The following CSMD1 variants were observed in gnomAD, a reference collection of about 807,000 sequenced individuals.
CSMD1 encodes the protein CUB and sushi domain-containing protein 1.
In CSMD1, 213 loss-of-function variants were observed where a neutral mutation model predicts 417.5. The observed-to-expected ratio is 0.51, with a 90% confidence interval of 0.46 to 0.57. The LOEUF is 0.57. Among genes scored for constraint, CSMD1 ranks in the 20% least tolerant of loss-of-function variants. The pLI is 0.00. For missense variants in CSMD1, 6,923 were observed against 4,529.7 expected (o/e 1.53, Z -15.17); for synonymous variants, 2,862 against 1,736.8 (o/e 1.65, Z -16.11).
At chr8:4,448,583 T>C (rs1392748566) in intron 2 of CSMD1, among the ~76,000 whole-genome samples, 1 of 152,226 alleles carries the variant, frequency 6.6e-6, no homozygotes, top group Non-Finnish European at 1.5e-5. Flanking sequence ...TCCTGTATTG[T>C]GCAATTTTAA....
At chr8:4,471,594 G>A (rs374236827) in intron 2 of CSMD1, among the ~76,000 whole-genome samples, 5 of 152,148 alleles carry the variant, frequency 3.3e-5, no homozygotes, top group South Asian at 2.1e-4. Context: ...GAGGTGCAGG[G>A]AGAAAACAAC....
rs190072432 is a variant in CSMD1, at chr8:4,771,487, G to A, written c.86-133929C>T. ...CCGTGCGAAGCTCAGTCGTGAGAAT[G>A]CGCAGTTATGCTGCATTACTGATTC... is the stretch of plus-strand genomic sequence containing the variant. On this transcript the variant is annotated intron_variant, in intron 1 of 69. Coordinates refer to ENST00000635120, the MANE Select transcript of CSMD1 (RefSeq NM_033225.6). Among the ~76,000 whole-genome samples the A allele has an allele frequency of 4.0e-3, 615 of 152,306 alleles. 7 individuals are homozygous for A. Among genetic ancestry groups the A allele is most frequent in the Middle Eastern group, 0.017 (5 of 294 alleles).
intron 5 of CSMD1, among the ~76,000 whole-genome samples, chr8:3,766,656 T>C (rs1278833622): frequency 6.6e-6 from 1 of 152,090 alleles, no homozygotes; most frequent in African/African-American, 2.4e-5. Flanking sequence ...CAAAGACTGA[T>C]AATAAAGAAA....
chr8:3,029,566 G>T, intron 50 of CSMD1, 53 bp from the exon 51 acceptor site: 1 of 1,480,548 alleles, frequency 6.8e-7, no homozygotes, highest in South Asian at 1.3e-5. Flanking sequence ...GAAAACATCA[G>T]ACCGTGCTTG....
intron 3 of CSMD1, among the ~76,000 whole-genome samples, chr8:4,116,083 C>A (rs1802128513): frequency 1.3e-5 from 2 of 152,022 alleles, no homozygotes; most frequent in African/African-American, 4.8e-5. Context: ...ACTGCAACCT[C>A]CGCCTCCTGG....
intron 5 of CSMD1, among the ~76,000 whole-genome samples, chr8:3,787,072 G>C (rs1799492861): frequency 6.6e-6 from 1 of 152,134 alleles, no homozygotes; most frequent in Non-Finnish European, 1.5e-5. Flanking sequence ...AGTTTAGAGT[G>C]TGTTTACAGA....
rs529696059 is a variant in CSMD1 at position 4,220,844 on chromosome 8, G to T, written c.416-188745C>A. On this transcript the variant is annotated intron_variant, in intron 3 of 69. Transcript: ENST00000635120. ...CCATGGGGCTGAGTGAGAACTACAA[G>T]AGGAAAAGTAGCTTGGGGTAACAAG... 1.5e-3 allele frequency among the ~76,000 whole-genome samples: 228 copies of T among 152,326 alleles called. 1 individual carries two copies. The highest frequency in any genetic ancestry group is 5.2e-3 in the African/African-American group (215 of 41,566).
At chr8:3,152,130 C>A (rs1025957845) in intron 39 of CSMD1, among the ~76,000 whole-genome samples, 1 of 152,222 alleles carries the variant, frequency 6.6e-6, no homozygotes. Flanking sequence ...CGGAAGGCAG[C>A]TAACTGCAAC....
At chr8:4,459,812 G>C (rs147082514) in intron 2 of CSMD1, among the ~76,000 whole-genome samples, 11 of 152,296 alleles carry the variant, frequency 7.2e-5, no homozygotes, top group East Asian at 5.8e-4. Context: ...CATACAATTT[G>C]TGGTACTTTG....
At chr8:4,017,099 G>A (rs957778266) in intron 4 of CSMD1, among the ~76,000 whole-genome samples, 1 of 152,198 alleles carries the variant, frequency 6.6e-6, no homozygotes, top group African/African-American at 2.4e-5. Flanking sequence ...TGACCGCGGT[G>A]TTCAGCCAGC....
rs573423179 is a variant in CSMD1, at chr8:4,960,205, G to C, written c.85+34127C>G. On this transcript the variant is annotated intron_variant, in intron 1 of 69. Coordinates refer to ENST00000635120, the MANE Select transcript of CSMD1 (RefSeq NM_033225.6). Reference sequence around the variant, plus strand: ...AAAGATCACTGTCTCAGGAAATCTTGATCTAGGACACTCAGAAGATGAAAT... The same window carrying C: ...AAAGATCACTGTCTCAGGAAATCTTCATCTAGGACACTCAGAAGATGAAAT... Among the ~76,000 whole-genome samples, 7 of 152,276 alleles carry C rather than the reference G, an allele frequency of 4.6e-5. No individual in the cohort carries two copies. In the East Asian group the frequency reaches 5.8e-4, roughly 13 times the overall value.
At chr8:3,349,774 TAA>T (rs1312879000) in intron 21 of CSMD1, among the ~76,000 whole-genome samples, 67 of 136,758 alleles carry the variant, frequency 4.9e-4, no homozygotes, top group South Asian at 1.6e-3. Context: ...AAAATAGATA[TAA>T]GTCTAAATAT....
chr8:3,698,816 T>C (rs1800697657), intron 7 of CSMD1, among the ~76,000 whole-genome samples: 1 of 152,240 alleles, frequency 6.6e-6, no homozygotes, highest in Non-Finnish European at 1.5e-5. Flanking sequence ...AATTATGGCC[T>C]GATGAAAATG....
chr8:3,595,008 T>A (rs1801025286), intron 8 of CSMD1, among the ~76,000 whole-genome samples: 1 of 152,242 alleles, frequency 6.6e-6, no homozygotes, highest in African/African-American at 2.4e-5. Context: ...ACCCGGCCTC[T>A]GTGTGCAGTC....
chr8:3,626,205 T>C (rs866127857), intron 7 of CSMD1, among the ~76,000 whole-genome samples: 2 of 152,202 alleles, frequency 1.3e-5, no homozygotes, highest in South Asian at 4.1e-4. Context: ...AGAGTGACTG[T>C]CACCTGGGGA....
intron 15 of CSMD1, among the ~76,000 whole-genome samples, chr8:3,401,957 CT>C (rs142931460): frequency 0.19 from 28,140 of 147,152 alleles, 2,899 homozygotes; most frequent in Middle Eastern, 0.25. Flanking sequence ...TTCTTCTTTG[CT>C]TTTTTTTTTT....
chr8:3,442,237 A>T (rs1053583013), intron 12 of CSMD1, among the ~76,000 whole-genome samples: 1 of 152,186 alleles, frequency 6.6e-6, no homozygotes, highest in African/African-American at 2.4e-5. Flanking sequence ...ACAGTAAGCT[A>T]AGGTTAATTT....
intron 10 of CSMD1, among the ~76,000 whole-genome samples, chr8:3,522,151 G>T (rs970409742): frequency 1.3e-5 from 2 of 152,090 alleles, no homozygotes; most frequent in Admixed American, 6.6e-5. Flanking sequence ...TGACTGCAAA[G>T]TCAAATTATT....
At chr8:4,956,598 G>C (rs911613143) in intron 1 of CSMD1, among the ~76,000 whole-genome samples, 2 of 150,332 alleles carry the variant, frequency 1.3e-5, no homozygotes, top group African/African-American at 2.5e-5. Context: ...CATCATAACA[G>C]ATATTTTTAT....
Sources: gnomAD v4.1 joint callset for allele counts (sites outside exome capture counted in the v4.1 genomes callset) on GRCh38, gnomAD v4.1.1 for gene constraint, MANE v1.5 for transcripts, NCBI Gene and HGNC (gene_info 2026-07-23, HGNC 2026-07-21) for gene names.